The following TNR variants were observed in gnomAD, a reference collection of about 807,000 sequenced individuals.
The protein encoded by TNR is tenascin R.
Under a neutral mutation model 150.4 loss-of-function variants are expected in TNR, and 45 were observed. The ratio of observed to expected loss-of-function variants is 0.30; its 90% CI spans 0.24 to 0.38. TNR has a LOEUF of 0.38. Among genes scored for constraint, TNR ranks in the 10% least tolerant of loss-of-function variants. The pLI, the probability that TNR is intolerant of heterozygous loss-of-function variation, is 1.00. For missense variants in TNR, 1,544 were observed against 1,759.1 expected (o/e 0.88, Z 2.19); for synonymous variants, 687 against 678.4 (o/e 1.01, Z -0.20).
intron 2 of TNR, among the ~76,000 whole-genome samples, chr1:175,444,397 A>T (rs552612595): frequency 6.6e-6 from 1 of 152,174 alleles, no homozygotes; most frequent in African/African-American, 2.4e-5. Flanking sequence ...GGGACATGCC[A>T]AGAAAGAGGT....
At chr1:175,510,371 A>G (rs200957607) in intron 2 of TNR, among the ~76,000 whole-genome samples, 1 of 52,558 alleles carries the variant, frequency 1.9e-5, no homozygotes, top group African/African-American at 6.1e-5. Context: ...CAAAGCAAAG[A>G]AAAAAAAAAA....
At chr1:175,339,447 T>C (rs992858264) in intron 18 of TNR, among the ~76,000 whole-genome samples, 1 of 152,230 alleles carries the variant, frequency 6.6e-6, no homozygotes, top group Non-Finnish European at 1.5e-5. Context: ...TCATAGTTCC[T>C]GATCCCACCT....
intron 2 of TNR, among the ~76,000 whole-genome samples, chr1:175,426,940 AT>A (rs1345016823): frequency 3.3e-5 from 3 of 91,272 alleles, no homozygotes; most frequent in African/African-American, 1.2e-4. Context: ...TATAAAATAT[AT>A]TATATATATA....
chr1:175,669,371 T>C (rs1474741911), intron 1 of TNR, among the ~76,000 whole-genome samples: 1 of 152,182 alleles, frequency 6.6e-6, no homozygotes, highest in Non-Finnish European at 1.5e-5. Flanking sequence ...TCCAAGTTTG[T>C]CTAATTCCAC....
chr1:175,696,606 C>T (rs998053196), intron 1 of TNR, among the ~76,000 whole-genome samples: 4 of 152,264 alleles, frequency 2.6e-5, no homozygotes, highest in Middle Eastern at 3.4e-3. Context: ...AGGCCCCAAC[C>T]GATTTTAAAA....
intron 1 of TNR, among the ~76,000 whole-genome samples, chr1:175,668,940 C>G (rs966185027): frequency 2.0e-5 from 3 of 152,154 alleles, no homozygotes; most frequent in Non-Finnish European, 4.4e-5. Context: ...GGTGTGGCAG[C>G]CCCACTTGCT....
chr1:175,592,632 A>T (rs1662844938), intron 1 of TNR, among the ~76,000 whole-genome samples: 1 of 152,092 alleles, frequency 6.6e-6, no homozygotes, highest in Non-Finnish European at 1.5e-5. Context: ...CCTTTACATC[A>T]CAGTTTCACT....
chr1:175,545,948 G>C (rs1263703548), intron 1 of TNR, among the ~76,000 whole-genome samples: 1 of 152,178 alleles, frequency 6.6e-6, no homozygotes, highest in Admixed American at 6.5e-5. Context: ...GAAGTATAAA[G>C]AGTGTGCCTC....
At chr1:175,537,371 C>T (rs955011119) in intron 1 of TNR, among the ~76,000 whole-genome samples, 3 of 152,204 alleles carry the variant, frequency 2.0e-5, no homozygotes, top group Non-Finnish European at 2.9e-5. Context: ...TTTCTTCTCT[C>T]CTTTAAATGG....
Position 175,362,687 on chromosome 1 carries a change from G to A in TNR, c.2830C>T (p.Arg944Cys), listed in dbSNP as rs771728764. The A allele has an allele frequency of 2.9e-5, 47 of 1,613,938 alleles. No individual in the cohort carries two copies. The highest frequency in any genetic ancestry group is 4.0e-5 in the Non-Finnish European group (47 of 1,179,966). The change falls in exon 14 of 23, where the codon CGC becomes TGC. Residue 944 changes from arginine to cysteine, a missense_variant. Around this residue, in one of 2 missense-constraint regions of TNR, gnomAD observed 1,254 missense variants for 1,329.4 expected, o/e 0.94. Coordinates refer to ENST00000367674, the MANE Select transcript of TNR (RefSeq NM_003285.3). The stretch of plus-strand genomic sequence containing the variant: ...CCTGTGTGCACAAGAGTACAGATGC[G>A]CTCGCTTTCCTCCCTGCCCCGCACG... Reference protein sequence around the residue: ...NSVRGREESERICTLVHTAMD... With the variant: ...NSVRGREESECICTLVHTAMD...
intron 1 of TNR, among the ~76,000 whole-genome samples, chr1:175,725,806 T>A (rs530413754): frequency 6.6e-6 from 1 of 152,322 alleles, no homozygotes; most frequent in South Asian, 2.1e-4. Context: ...CTCCCCTCAA[T>A]GAATGTTTCA....
chr1:175,521,795 T>C (rs952897307), intron 2 of TNR, among the ~76,000 whole-genome samples: 37 of 152,198 alleles, frequency 2.4e-4, no homozygotes, highest in Admixed American at 1.6e-3. Flanking sequence ...TCCTCTCCCA[T>C]GAACCCTGTG....
At chr1:175,542,292 G>T (rs1225517092) in intron 1 of TNR, among the ~76,000 whole-genome samples, 2 of 152,160 alleles carry the variant, frequency 1.3e-5, no homozygotes, top group Non-Finnish European at 2.9e-5. Flanking sequence ...GTAAGTGTAA[G>T]CTTTATTTAG....
chr1:175,526,137 C>A (rs534405029), intron 2 of TNR, among the ~76,000 whole-genome samples: 153 of 152,082 alleles, frequency 1.0e-3, no homozygotes, highest in African/African-American at 3.5e-3. Flanking sequence ...TGGGAGTGAA[C>A]CCACCCATAA....
intron 2 of TNR, among the ~76,000 whole-genome samples, chr1:175,526,066 C>T (rs202191512): frequency 1.1e-4 from 16 of 151,200 alleles, no homozygotes; most frequent in East Asian, 9.7e-4. Context: ...TAAAATCTGA[C>T]GGAAGGGTAT....
At chr1:175,387,811 T>G (rs1323592647) in intron 7 of TNR, among the ~76,000 whole-genome samples, 1 of 152,212 alleles carries the variant, frequency 6.6e-6, no homozygotes, top group Non-Finnish European at 1.5e-5. Context: ...AGGCTGACCT[T>G]GAGGCTTTCA....
rs1557868632 is a variant in TNR at position 175,331,167 on chromosome 1, TTCCTTCCTTCC to T, written c.3632-943_3632-933del. On this transcript the variant is annotated intron_variant, in intron 20 of 22. Coordinates refer to ENST00000367674, the MANE Select transcript of TNR (RefSeq NM_003285.3). ...TCTTCCTTTCTTTCTTTTTCTTTCC[TTCCTTCCTTCC>T]TTCCTTCCTTCCTTCCTTCCTTCCT... Among the ~76,000 whole-genome samples, 127 of 39,008 alleles carry T rather than the reference TTCCTTCCTTCC, an allele frequency of 3.3e-3. 1 individual carries two copies. The highest frequency in any genetic ancestry group is 5.6e-3 in the Non-Finnish European group (105 of 18,702). 25.6% of individuals were successfully genotyped at this position (39,008 alleles called of 152,430 possible).
chr1:175,403,268 C>T lies in TNR; in HGVS notation c.848G>A (p.Cys283Tyr). 6.2e-7 allele frequency: 1 copy of T among 1,614,186 alleles called. No homozygotes were observed. The highest frequency in any genetic ancestry group is 8.5e-7 in the Non-Finnish European group (1 of 1,180,040). The part of the protein sequence containing the change: ...KGRCANGTCL[C>Y]EEGYVGEDCG... The stretch of plus-strand genomic sequence containing the variant: ...GTCCTCACCAACGTAGCCCTCCTCG[C>T]ATAAACAGGTACCGTTGGCACATCT... Residue 283 changes from cysteine (C) to tyrosine (Y), a missense_variant, in exon 4 of 23, where the codon TGC becomes TAC. By Grantham distance (194) the Cys-to-Tyr change is radical. Transcript: ENST00000367674.
rs1378235725 is a variant in TNR, at chr1:175,741,744, AG to A, written c.-165+1481del. Among the ~76,000 whole-genome samples the A allele has an allele frequency of 2.6e-5, 4 of 152,330 alleles. No homozygotes were observed. In the East Asian group the frequency reaches 5.8e-4, roughly 22 times the overall value. On this transcript the variant is annotated intron_variant, in intron 1 of 22. Coordinates refer to ENST00000367674, the MANE Select transcript of TNR (RefSeq NM_003285.3). Reference sequence around the variant, plus strand: ...CTCAGAACTGTGTCTCTCACCCAGAAGGCTCCCCAGCCAGAGGCAGAGAGTA... The same window carrying A: ...CTCAGAACTGTGTCTCTCACCCAGAAGCTCCCCAGCCAGAGGCAGAGAGTA...
Sources: gnomAD v4.1 joint callset for allele counts (sites outside exome capture counted in the v4.1 genomes callset) on GRCh38, gnomAD v4.1.1 for gene constraint, gnomAD v4.1.1 regional missense constraint, MANE v1.5 for transcripts, NCBI Gene and HGNC (gene_info 2026-07-23, HGNC 2026-07-21) for gene names.